Variants in RPH3A observed in about 807,000 individuals in gnomAD.
RPH3A encodes the protein rabphilin-3A.
In RPH3A, 48 loss-of-function variants were observed where a neutral mutation model predicts 102.2. The ratio of observed to expected loss-of-function variants is 0.47; its 90% CI spans 0.37 to 0.60. The LOEUF is 0.60. Among genes scored for constraint, RPH3A ranks in the 20% least tolerant of loss-of-function variants. The pLI is 0.00. For synonymous variants in RPH3A, 310 were observed against 324.3 expected, an observed-to-expected ratio of 0.96 and a Z score of 0.47; for missense variants, 781 against 910.1, an observed-to-expected ratio of 0.86 and a Z score of 1.83.
At chr12:112,875,644 T>A in intron 11 of RPH3A, 35 bp from the exon 12 acceptor site, 1 of 1,574,504 alleles carries the variant, frequency 6.4e-7, no homozygotes, top group Non-Finnish European at 8.7e-7. Flanking sequence ...CCACCCTCTC[T>A]GCTGCATCTC....
chr12:112,747,366 G>T (rs1017466598), intron 1 of RPH3A, among the ~76,000 whole-genome samples: 4 of 152,076 alleles, frequency 2.6e-5, no homozygotes, highest in African/African-American at 9.7e-5. Flanking sequence ...CCAGGAAGTG[G>T]GTCCTCATCA....
chr12:112,696,738 G>T (rs1238930309), intron 1 of RPH3A, among the ~76,000 whole-genome samples: 1 of 152,138 alleles, frequency 6.6e-6, no homozygotes, highest in Non-Finnish European at 1.5e-5. Flanking sequence ...CATTTTAAAT[G>T]GTGAGGTAAT....
intron 1 of RPH3A, among the ~76,000 whole-genome samples, chr12:112,651,613 C>T (rs562122106): frequency 1.4e-4 from 22 of 152,304 alleles, no homozygotes; most frequent in Admixed American, 1.0e-3. Flanking sequence ...TTACCATTCT[C>T]ACCATTTTAA....
intron 1 of RPH3A, among the ~76,000 whole-genome samples, chr12:112,739,936 C>G (rs2040696546): frequency 1.1e-5 from 1 of 91,842 alleles, no homozygotes; most frequent in African/African-American, 5.2e-5. Context: ...CCTACCTTCT[C>G]CCTTCATCCC....
At chr12:112,648,873 G>A (rs2039953977) in intron 1 of RPH3A, among the ~76,000 whole-genome samples, 1 of 151,994 alleles carries the variant, frequency 6.6e-6, no homozygotes, top group Non-Finnish European at 1.5e-5. Context: ...AGGCTGGAAT[G>A]CAGTGGTGCA....
intron 4 of RPH3A, among the ~76,000 whole-genome samples, chr12:112,846,937 G>T (rs1269481580): frequency 6.6e-6 from 1 of 152,184 alleles, no homozygotes; most frequent in Non-Finnish European, 1.5e-5. Context: ...TGCCAGCCAT[G>T]CATCCTTGAG....
In RPH3A at chr12:112,868,464, G is replaced by T; in HGVS notation, c.479G>T (p.Gly160Val). The T allele has an allele frequency of 6.2e-7, 1 of 1,614,130 alleles. No homozygotes were observed. The highest frequency in any genetic ancestry group is 8.5e-7 in the Non-Finnish European group (1 of 1,180,006). Reference protein sequence around the residue: ...WKRSGAWFFKGFPKQVLPQPM... With the variant: ...WKRSGAWFFKVFPKQVLPQPM... ...CGTTCTGGAGCGTGGTTCTTCAAAG[G>T]CTTCCCCAAACAGGTCCTCCCACAG... is the stretch of plus-strand genomic sequence containing the variant. The change falls in exon 8 of 22, where the codon GGC (glycine) becomes GTC (valine). Residue 160 changes from glycine (G) to valine (V), a missense_variant. Around this residue, in one of 2 missense-constraint regions of RPH3A, gnomAD observed 730 missense variants for 810.0 expected, o/e 0.90. Transcript: ENST00000389385.
At chr12:112,647,899 A>G (rs2039942941) in intron 1 of RPH3A, among the ~76,000 whole-genome samples, 1 of 152,234 alleles carries the variant, frequency 6.6e-6, no homozygotes, top group African/African-American at 2.4e-5. Context: ...GACATATAGT[A>G]AATGCTTGAT....
intron 2 of RPH3A, among the ~76,000 whole-genome samples, chr12:112,825,036 G>A (rs898696123): frequency 2.6e-5 from 4 of 152,150 alleles, no homozygotes; most frequent in Non-Finnish European, 4.4e-5. Flanking sequence ...AACTGCAGCC[G>A]AGGAAGCTCA....
chr12:112,702,604 C>T (rs141749308), intron 1 of RPH3A, among the ~76,000 whole-genome samples: 2 of 152,282 alleles, frequency 1.3e-5, no homozygotes, highest in East Asian at 3.9e-4. Flanking sequence ...CAGCCATAGA[C>T]TAGAGTGAAG....
chr12:112,837,807 A>G (rs1355127784), intron 4 of RPH3A: 2 of 455,850 alleles, frequency 4.4e-6, no homozygotes, highest in South Asian at 1.5e-5. Flanking sequence ...TGCAGGTTGA[A>G]AGGTAGCATG....
intron 3 of RPH3A, among the ~76,000 whole-genome samples, chr12:112,832,529 A>G (rs942990686): frequency 1.3e-5 from 2 of 152,218 alleles, no homozygotes; most frequent in African/African-American, 2.4e-5. Flanking sequence ...GTTAATAAAC[A>G]TGGCCATTAT....
At chr12:112,726,959 G>A (rs929862296) in intron 1 of RPH3A, among the ~76,000 whole-genome samples, 23 of 152,194 alleles carry the variant, frequency 1.5e-4, no homozygotes, top group East Asian at 5.8e-4. Context: ...GGAGGCAGAG[G>A]TTGCAGTGAG....
chr12:112,759,927 G>T lies in RPH3A; in HGVS notation c.-139-32216G>T, dbSNP rs1039285178. On this transcript the variant is annotated intron_variant, in intron 1 of 21. Transcript: ENST00000543106. ...AGCCCTGAGAACCAGCTGAGAGCAG[G>T]ATCTATTTAAAGCAGCATATGTTTC... 5.9e-5 allele frequency among the ~76,000 whole-genome samples: 9 copies of T among 152,130 alleles called. No homozygotes were observed. The South Asian group carries it at 1.9e-3, about 32-fold the overall frequency.
intron 1 of RPH3A, among the ~76,000 whole-genome samples, chr12:112,775,021 G>GTCTATAA (rs2040956251): frequency 6.6e-6 from 1 of 151,688 alleles, no homozygotes; most frequent in Non-Finnish European, 1.5e-5. Flanking sequence ...ATAAGAACAT[G>GTCTATAA]GCATATGGGA....
intron 16 of RPH3A, among the ~76,000 whole-genome samples, chr12:112,885,262 C>T (rs10850089): frequency 0.49 from 73,839 of 152,022 alleles, 19,038 homozygotes; most frequent in African/African-American, 0.65. Context: ...GATATGGGTA[C>T]GTCCAGCTTT....
chr12:112,834,302 T>G (rs2042016368), intron 3 of RPH3A, among the ~76,000 whole-genome samples: 1 of 152,272 alleles, frequency 6.6e-6, no homozygotes, highest in Non-Finnish European at 1.5e-5. Context: ...TTGTTTTGTA[T>G]ATCAATAGTT....
intron 1 of RPH3A, among the ~76,000 whole-genome samples, chr12:112,709,214 G>A (rs889901926): frequency 6.6e-6 from 1 of 152,120 alleles, no homozygotes; most frequent in African/African-American, 2.4e-5. Flanking sequence ...ACCACTCTTA[G>A]TTCCAGTAAA....
chr12:112,614,688 CAAAAAAAAAAAAAA>C (rs35810360), intron 1 of RPH3A, among the ~76,000 whole-genome samples: 1 of 27,142 alleles, frequency 3.7e-5, no homozygotes, highest in South Asian at 1.7e-3. Context: ...GACCCTGCCT[CAAAAAAAAAAAAAA>C]AAAAAAAAAA....
Sources: gnomAD v4.1 joint callset for allele counts (sites outside exome capture counted in the v4.1 genomes callset) on GRCh38, gnomAD v4.1.1 for gene constraint, gnomAD v4.1.1 regional missense constraint, MANE v1.5 for transcripts, NCBI Gene and HGNC (gene_info 2026-07-23, HGNC 2026-07-21) for gene names.